Variants in ZNF654 observed in about 807,000 individuals in gnomAD.
ZNF654 encodes zinc finger protein 654.
Under a neutral mutation model 95.3 loss-of-function variants are expected in ZNF654, and 19 were observed. That is an observed-to-expected ratio of 0.20 (90% CI 0.14 to 0.29). ZNF654 has a LOEUF of 0.29. ZNF654 is among the 10% of genes least tolerant of loss of function. The pLI is 1.00. For synonymous variants in ZNF654, 413 were observed against 457.9 expected (o/e 0.90, Z 1.25); for missense variants, 1,046 against 1,341.0 (o/e 0.78, Z 3.44).
intron 3 of ZNF654, among the ~76,000 whole-genome samples, chr3:88,115,854 A>G (rs1371924127): frequency 3.3e-5 from 5 of 152,190 alleles, no homozygotes; most frequent in African/African-American, 1.2e-4. Flanking sequence ...AGTGACAAAA[A>G]TAATGTAAAA....
chr3:88,124,472 T>C lies in ZNF654; in HGVS notation c.415-1662T>C, dbSNP rs571636418. Among the ~76,000 whole-genome samples, 116 of 152,326 alleles carry C rather than the reference T, an allele frequency of 7.6e-4. 2 individuals carry two copies. Among genetic ancestry groups the C allele is most frequent in the Middle Eastern group, 6.8e-3 (2 of 294 alleles). ...TTTCTTCTACTACTTTCTTCTCTCATAAAACAAGTAAAACCTCTTTTGTAT... is the reference window on the plus strand; with the variant it reads ...TTTCTTCTACTACTTTCTTCTCTCACAAAACAAGTAAAACCTCTTTTGTAT... On this transcript the variant is annotated intron_variant, in intron 3 of 8. Transcript: ENST00000636215.
chr3:88,131,771 T>A (rs774921612), intron 6 of ZNF654, among the ~76,000 whole-genome samples: 9 of 152,152 alleles, frequency 5.9e-5, no homozygotes, highest in Non-Finnish European at 8.8e-5. Flanking sequence ...ACCTCTTTTC[T>A]ATATTTCTGA....
intron 2 of ZNF654, among the ~76,000 whole-genome samples, chr3:88,091,772 C>T (rs1172663465): frequency 6.6e-6 from 1 of 152,190 alleles, no homozygotes; most frequent in East Asian, 1.9e-4. Flanking sequence ...TTCCCCTGCA[C>T]ATGCTCTCTT....
chr3:88,128,676 T>C, intron 4 of ZNF654, 133 bp from the exon 5 acceptor site: 1 of 602,174 alleles, frequency 1.7e-6, no homozygotes, highest in Non-Finnish European at 2.8e-6. Context: ...ACAAATAAAC[T>C]CCTACTAAGG....
chr3:88,082,080 G>A (rs1277824218), intron 1 of ZNF654, among the ~76,000 whole-genome samples: 5 of 151,848 alleles, frequency 3.3e-5, no homozygotes, highest in African/African-American at 1.2e-4. Context: ...ATTCTTTGAC[G>A]CCCCTAAAAT....
At chr3:88,094,261 T>C (rs1333267225) in intron 2 of ZNF654, among the ~76,000 whole-genome samples, 1 of 152,164 alleles carries the variant, frequency 6.6e-6, no homozygotes, top group Non-Finnish European at 1.5e-5. Flanking sequence ...TTTGTTTGTA[T>C]TGGCCATCGT....
At chr3:88,091,093 A>G (rs1346630472) in intron 2 of ZNF654, among the ~76,000 whole-genome samples, 1 of 152,210 alleles carries the variant, frequency 6.6e-6, no homozygotes, top group Non-Finnish European at 1.5e-5. Flanking sequence ...CCAGGTGTGT[A>G]GTAGACTATA....
chr3:88,091,372 ATT>A (rs1708623355), intron 2 of ZNF654, among the ~76,000 whole-genome samples: 1 of 152,218 alleles, frequency 6.6e-6, no homozygotes, highest in Admixed American at 6.5e-5. Context: ...TGTTTCAGTT[ATT>A]CTCTACTGAT....
intron 2 of ZNF654, among the ~76,000 whole-genome samples, chr3:88,093,383 A>G (rs1351000326): frequency 6.6e-6 from 1 of 152,212 alleles, no homozygotes. Context: ...AACAGAAAGT[A>G]AATGTTCATA....
intron 1 of ZNF654, among the ~76,000 whole-genome samples, chr3:88,076,212 C>T (rs1054931463): frequency 6.6e-6 from 1 of 152,120 alleles, no homozygotes; most frequent in African/African-American, 2.4e-5. Flanking sequence ...TTATTATAGA[C>T]TTTCTGCCTT....
At chr3:88,110,961 G>GTAA (rs1705053978) in intron 2 of ZNF654, among the ~76,000 whole-genome samples, 1 of 151,962 alleles carries the variant, frequency 6.6e-6, no homozygotes, top group African/African-American at 2.4e-5. Context: ...TGTTATTTAG[G>GTAA]TAACTGGTAG....
At chr3:88,118,439 TGTGGG>T (rs1395111774) in intron 3 of ZNF654, among the ~76,000 whole-genome samples, 9 of 152,150 alleles carry the variant, frequency 5.9e-5, no homozygotes, top group Non-Finnish European at 1.3e-4. Flanking sequence ...CACCCTCCTT[TGTGGG>T]GCAAGTGTTG....
At chr3:88,095,630 G>A (rs530638329) in intron 2 of ZNF654, 24 of 510,524 alleles carry the variant, frequency 4.7e-5, no homozygotes, top group South Asian at 2.3e-4. Context: ...GTCTTATCTC[G>A]AAGCCCCAAG....
At chr3:88,062,164 T>G (rs1262669637) in intron 1 of ZNF654, among the ~76,000 whole-genome samples, 1 of 152,180 alleles carries the variant, frequency 6.6e-6, no homozygotes, top group African/African-American at 2.4e-5. Flanking sequence ...GGCTCTTAAC[T>G]GATACTTAAT....
At chr3:88,061,741 G>A (rs188218161) in intron 1 of ZNF654, among the ~76,000 whole-genome samples, 4 of 152,212 alleles carry the variant, frequency 2.6e-5, no homozygotes, top group Non-Finnish European at 1.5e-5. Flanking sequence ...ATTCCTAGTC[G>A]AAGATTTCTT....
chr3:88,081,903 A>T (rs191199737), intron 1 of ZNF654, among the ~76,000 whole-genome samples: 21 of 152,332 alleles, frequency 1.4e-4, no homozygotes, highest in African/African-American at 5.1e-4. Flanking sequence ...AAATACTTTT[A>T]TATATACAAC....
intron 1 of ZNF654, 85 bp from the exon 2 acceptor site, chr3:88,086,172 T>C (rs570907710): frequency 7.8e-7 from 1 of 1,276,204 alleles, no homozygotes; most frequent in East Asian, 2.5e-5. Flanking sequence ...ATATTTTAAT[T>C]TATCCAGTAA....
chr3:88,059,632 C>T (rs1177691017), intron 1 of ZNF654, 127 bp downstream of exon 1: 1 of 1,350,674 alleles, frequency 7.4e-7, no homozygotes, highest in Non-Finnish European at 9.6e-7. Flanking sequence ...GAGGGTGAGG[C>T]TGAAGCTCCC....
At chr3:88,082,219 C>G in intron 1 of ZNF654, among the ~76,000 whole-genome samples, 1 of 151,970 alleles carries the variant, frequency 6.6e-6, no homozygotes. Context: ...CTCTGCCTCC[C>G]GGGTTCAAGT....
Sources: allele counts gnomAD v4.1 joint callset (sites outside exome capture counted in the v4.1 genomes callset), GRCh38; gene constraint gnomAD v4.1.1; transcripts MANE v1.5; gene names NCBI Gene and HGNC (gene_info 2026-07-23, HGNC 2026-07-21).